The following CTXND2 variants were observed in gnomAD, a reference collection of about 807,000 sequenced individuals.
CTXND2 encodes the protein cortexin domain containing 2.
chr1:150,899,129 T>TAAAC (rs112989227), intron 1 of CTXND2, among the ~76,000 whole-genome samples: 41 of 58,812 alleles, frequency 7.0e-4, no homozygotes, highest in Middle Eastern at 0.02. Flanking sequence ...AATAAATAAA[T>TAAAC]AAACAAACAA....
intron 1 of CTXND2, chr1:150,904,239 C>T (rs1239672444): frequency 8.7e-6 from 5 of 572,650 alleles, no homozygotes; most frequent in Non-Finnish European, 1.6e-5. Flanking sequence ...TTATTTATTA[C>T]AAAACAAATG....
chr1:150,896,241 G>A (rs1393949413), intron 1 of CTXND2, among the ~76,000 whole-genome samples: 1 of 152,104 alleles, frequency 6.6e-6, no homozygotes, highest in East Asian at 1.9e-4. Flanking sequence ...GAAAGGCAGG[G>A]TTAAGAAAAG....
chr1:150,891,851 T>C (rs1668855364), intron 1 of CTXND2, among the ~76,000 whole-genome samples: 1 of 152,208 alleles, frequency 6.6e-6, no homozygotes, highest in Non-Finnish European at 1.5e-5. Context: ...GCCTCTTCAG[T>C]AAAATCTCCC....
intron 1 of CTXND2, among the ~76,000 whole-genome samples, chr1:150,891,079 C>T (rs1668843685): frequency 6.6e-6 from 1 of 152,190 alleles, no homozygotes; most frequent in Admixed American, 6.5e-5. Flanking sequence ...ATTGGAGTTT[C>T]CACATTGACA....
At chr1:150,905,098 AC>A (rs1669114553) in intron 1 of CTXND2, among the ~76,000 whole-genome samples, 2 of 149,836 alleles carry the variant, frequency 1.3e-5, no homozygotes, top group African/African-American at 2.5e-5. Context: ...ACACACACAC[AC>A]ACACAAATCA....
intron 1 of CTXND2, among the ~76,000 whole-genome samples, chr1:150,889,184 C>T (rs375001898): frequency 1.1e-4 from 16 of 152,036 alleles, no homozygotes; most frequent in East Asian, 5.8e-4. Flanking sequence ...CCGAAGCGGG[C>T]GGATCACGAG....
intron 1 of CTXND2, among the ~76,000 whole-genome samples, chr1:150,902,963 T>A (rs1204032893): frequency 6.6e-6 from 1 of 152,064 alleles, no homozygotes. Context: ...ACCCTTTTTA[T>A]CCCCTCAAGG....
At chr1:150,907,711 T>A (rs1015345466) in intron 1 of CTXND2, among the ~76,000 whole-genome samples, 3 of 139,546 alleles carry the variant, frequency 2.1e-5, no homozygotes, top group African/African-American at 7.8e-5. Context: ...TGGCTTTTTT[T>A]TTTTTTTTTT....
chr1:150,904,449 A>C (rs587725725), intron 1 of CTXND2, among the ~76,000 whole-genome samples: 38 of 152,318 alleles, frequency 2.5e-4, no homozygotes, highest in Non-Finnish European at 5.1e-4. Flanking sequence ...ACCCCTTCTA[A>C]AGATATGATT....
intron 1 of CTXND2, among the ~76,000 whole-genome samples, chr1:150,889,319 G>C (rs1668816231): frequency 6.8e-6 from 1 of 147,800 alleles, no homozygotes; most frequent in African/African-American, 2.5e-5. Context: ...AGAATGGCGT[G>C]AACCCGGGAG....
intron 1 of CTXND2, among the ~76,000 whole-genome samples, chr1:150,905,143 CTT>C (rs587675090): frequency 5.2e-5 from 6 of 114,680 alleles, no homozygotes; most frequent in Non-Finnish European, 9.3e-5. Flanking sequence ...TCTGCCAATT[CTT>C]TTTTTTTTTT....
chr1:150,911,316 T>A lies in CTXND2; in HGVS notation c.-73-926T>A, dbSNP rs183075745. Among the ~76,000 whole-genome samples, 15 of 152,258 alleles carry A rather than the reference T, an allele frequency of 9.9e-5. No individual in the cohort carries two copies. In the East Asian group the frequency reaches 2.9e-3, roughly 29 times the overall value. On this transcript the variant is annotated intron_variant, in intron 1 of 1. Transcript: ENST00000636087. The stretch of plus-strand genomic sequence containing the variant: ...GTACCAGTACCATAGTTTTGATTAC[T>A]GTAGCTTTTAGTGAGTTTTTGAAAT...
intron 1 of CTXND2, among the ~76,000 whole-genome samples, chr1:150,902,048 C>T (rs906215669): frequency 1.1e-4 from 17 of 152,046 alleles, no homozygotes; most frequent in Non-Finnish European, 1.5e-5. Flanking sequence ...GGCGGATTAC[C>T]TGAGATCAGG....
At chr1:150,898,960 T>C (rs1002897463) in intron 1 of CTXND2, among the ~76,000 whole-genome samples, 2 of 147,772 alleles carry the variant, frequency 1.4e-5, no homozygotes, top group African/African-American at 5.0e-5. Context: ...TAGCTGGGCG[T>C]GGTGGCAGGC....
chr1:150,911,100 G>A (rs1669248599), intron 1 of CTXND2, among the ~76,000 whole-genome samples: 1 of 151,716 alleles, frequency 6.6e-6, no homozygotes, highest in Non-Finnish European at 1.5e-5. Flanking sequence ...CATCGTGCCT[G>A]GCCATAATTT....
intron 1 of CTXND2, among the ~76,000 whole-genome samples, chr1:150,911,828 A>T (rs1669261585): frequency 6.6e-6 from 1 of 152,208 alleles, no homozygotes; most frequent in Non-Finnish European, 1.5e-5. Context: ...TAGTGATCAG[A>T]AAAAATAAAA....
chr1:150,895,129 A>C (rs1312902920), intron 1 of CTXND2, among the ~76,000 whole-genome samples: 1 of 151,730 alleles, frequency 6.6e-6, no homozygotes, highest in African/African-American at 2.4e-5. Context: ...AATTTTATAG[A>C]TATAAAATTT....
chr1:150,900,470 C>T (rs1156370389), intron 1 of CTXND2, among the ~76,000 whole-genome samples: 1 of 152,206 alleles, frequency 6.6e-6, no homozygotes, highest in African/African-American at 2.4e-5. Flanking sequence ...GTCTTGAAGT[C>T]AGTGAGACCA....
chr1:150,902,115 A>G (rs1423627472), intron 1 of CTXND2, among the ~76,000 whole-genome samples: 1 of 151,692 alleles, frequency 6.6e-6, no homozygotes, highest in Non-Finnish European at 1.5e-5. Flanking sequence ...AAAATACAAA[A>G]ATTTGGCTGG....
Sources: allele counts gnomAD v4.1 joint callset (sites outside exome capture counted in the v4.1 genomes callset), GRCh38; gene constraint gnomAD v4.1.1; transcripts MANE v1.5; gene names NCBI Gene and HGNC (gene_info 2026-07-23, HGNC 2026-07-21).